Variants in SH3KBP1 observed in about 807,000 individuals in gnomAD.
SH3KBP1 encodes the protein SH3 domain-containing kinase-binding protein 1.
Under a neutral mutation model 50.1 loss-of-function variants are expected in SH3KBP1, and 8 were observed. The observed-to-expected ratio is 0.16, with a 90% CI of 0.09 to 0.29. The LOEUF is 0.29. Among genes scored for constraint, SH3KBP1 ranks in the 10% least tolerant of loss-of-function variants. The probability of loss-of-function intolerance (pLI) is 1.00; values close to 1 mark genes in which losing one functional copy is unlikely to be tolerated. For missense variants in SH3KBP1, 377 were observed against 535.2 expected, an observed-to-expected ratio of 0.70 and a Z score of 2.92; for synonymous variants, 227 against 218.6, an observed-to-expected ratio of 1.04 and a Z score of -0.34.
chrX:19,729,068 G>A (rs2064303579), intron 3 of SH3KBP1, among the ~76,000 whole-genome samples: 1 of 112,499 alleles, frequency 8.9e-6, no homozygotes, highest in Admixed American at 9.4e-5. Flanking sequence ...TAAAGGCACA[G>A]AAATGCTTTT....
chrX:19,784,863 C>A (rs1039393661), intron 2 of SH3KBP1, among the ~76,000 whole-genome samples: 8 of 111,444 alleles, frequency 7.2e-5, no homozygotes, highest in African/African-American at 2.6e-4. Context: ...CTCACCTCGG[C>A]CTCCCAAAGT....
intron 3 of SH3KBP1, among the ~76,000 whole-genome samples, chrX:19,715,905 C>T (rs1441883201): frequency 9.0e-6 from 1 of 110,833 alleles, no homozygotes; most frequent in Non-Finnish European, 1.9e-5. Flanking sequence ...CATTAACAAA[C>T]ACTGCTAGGT....
At position 19,638,534 on chromosome X, in the gene SH3KBP1, C is replaced by G. The variant is rs1463237297; in HGVS notation, c.803-6576G>C. On this transcript the variant is annotated intron_variant, in intron 7 of 17. Transcript: ENST00000397821. ...GGCCCCACCCCCAGGGGTTCTGATT[C>G]TGTAGGGCTGGTATTTGCATTTCTA... is the stretch of plus-strand genomic sequence containing the variant. Among the ~76,000 whole-genome samples the G allele has an allele frequency of 6.3e-5, 7 of 111,048 alleles. No homozygotes were observed. In the East Asian group the frequency reaches 2.0e-3, roughly 31 times the overall value.
At chrX:19,788,269 C>CAAAAAAAAAAAAAAA (rs1227301099) in intron 2 of SH3KBP1, among the ~76,000 whole-genome samples, 10 of 25,500 alleles carry the variant, frequency 3.9e-4, no homozygotes, top group Non-Finnish European at 6.5e-4. Context: ...ATTCTATCTC[C>CAAAAAAAAAAAAAAA]AAAAAAAAAA....
chrX:19,861,879 C>T (rs780279637), intron 1 of SH3KBP1, among the ~76,000 whole-genome samples: 18 of 112,219 alleles, frequency 1.6e-4, no homozygotes, highest in Admixed American at 4.7e-4. Context: ...TTTCTCAAAA[C>T]ACTGTCATAA....
intron 4 of SH3KBP1, among the ~76,000 whole-genome samples, chrX:19,705,668 C>T (rs1056437331): frequency 9.0e-6 from 1 of 111,547 alleles, no homozygotes; most frequent in Non-Finnish European, 1.9e-5. Context: ...TGTATCTCTG[C>T]TTGGCACACT....
intron 2 of SH3KBP1, among the ~76,000 whole-genome samples, chrX:19,758,002 A>C (rs191137989): frequency 9.0e-6 from 1 of 110,635 alleles, no homozygotes; most frequent in African/African-American, 3.3e-5. Context: ...CCAATAATCA[A>C]TGTTTTTTTT....
At chrX:19,802,781 C>T (rs1309686041) in intron 2 of SH3KBP1, among the ~76,000 whole-genome samples, 1 of 111,283 alleles carries the variant, frequency 9.0e-6, no homozygotes, top group East Asian at 2.8e-4. Flanking sequence ...CGCACCACAA[C>T]GGGTTGGAAA....
chrX:19,843,187 T>G (rs766664112), intron 1 of SH3KBP1, among the ~76,000 whole-genome samples: 7 of 107,430 alleles, frequency 6.5e-5, no homozygotes, highest in African/African-American at 2.0e-4. Context: ...CCCAGCTAAT[T>G]TTTGTATTTT....
At chrX:19,691,325 GCTCTCTCTCTCTCT>G (rs747033807) in intron 5 of SH3KBP1, among the ~76,000 whole-genome samples, 2 of 84,408 alleles carry the variant, frequency 2.4e-5, no homozygotes, top group African/African-American at 9.4e-5. Flanking sequence ...AATCTCTGTC[GCTCTCTCTCTCTCT>G]CTCTCTCTCT....
intron 1 of SH3KBP1, among the ~76,000 whole-genome samples, chrX:19,865,564 T>C (rs1273540557): frequency 1.8e-5 from 2 of 112,010 alleles, no homozygotes; most frequent in Non-Finnish European, 1.9e-5. Flanking sequence ...GTGATTCTTA[T>C]TGCCCAAGCT....
At chrX:19,560,745 G>C (rs953937242) in intron 13 of SH3KBP1, among the ~76,000 whole-genome samples, 1 of 110,640 alleles carries the variant, frequency 9.0e-6, no homozygotes, top group African/African-American at 3.3e-5. Context: ...AAGATGTATG[G>C]GTCATTTCAT....
chrX:19,750,275 G>T (rs1438140528), intron 2 of SH3KBP1, among the ~76,000 whole-genome samples: 1 of 111,713 alleles, frequency 9.0e-6, no homozygotes, highest in Non-Finnish European at 1.9e-5. Flanking sequence ...GGCCAGACTG[G>T]TCTCAAGCTC....
chrX:19,776,589 C>T (rs959873331), intron 2 of SH3KBP1, among the ~76,000 whole-genome samples: 8 of 79,870 alleles, frequency 1.0e-4, no homozygotes, highest in Admixed American at 3.4e-4. Context: ...ACTCTGTCAC[C>T]AAAGCTGGAA....
At chrX:19,786,009 C>A (rs1199460863) in intron 2 of SH3KBP1, among the ~76,000 whole-genome samples, 1 of 111,985 alleles carries the variant, frequency 8.9e-6, no homozygotes, top group Non-Finnish European at 1.9e-5. Flanking sequence ...AGTGGCACAA[C>A]AATGTGCATG....
At chrX:19,643,022 G>GT (rs752985863) in intron 7 of SH3KBP1, among the ~76,000 whole-genome samples, 42 of 111,214 alleles carry the variant, frequency 3.8e-4, no homozygotes, top group African/African-American at 1.3e-3. Flanking sequence ...TTTTGTTATA[G>GT]TTTGTCTTCT....
At chrX:19,766,400 T>C (rs1245167002) in intron 2 of SH3KBP1, among the ~76,000 whole-genome samples, 1 of 109,296 alleles carries the variant, frequency 9.1e-6, no homozygotes, top group Non-Finnish European at 1.9e-5. Context: ...TTATAGATTC[T>C]GGATATTAAC....
intron 3 of SH3KBP1, among the ~76,000 whole-genome samples, chrX:19,720,290 C>T (rs1043377200): frequency 9.0e-6 from 1 of 110,829 alleles, no homozygotes; most frequent in African/African-American, 3.3e-5. Context: ...CCTCAGCAGG[C>T]CATACCAGGG....
In SH3KBP1 at chrX:19,581,308, T is replaced by C. The variant is rs1355534241; in HGVS notation, c.1298+7335A>G. Reference sequence around the variant, plus strand: ...TCCAAAGATAAGTCTTCATCCTGATTTGTATTAAAGGAGGGAAACACACAA... The same window carrying C: ...TCCAAAGATAAGTCTTCATCCTGATCTGTATTAAAGGAGGGAAACACACAA... On this transcript the variant is annotated intron_variant, in intron 12 of 17. Transcript: ENST00000397821. Among the ~76,000 whole-genome samples the C allele has an allele frequency of 5.4e-5, 6 of 111,918 alleles. No individual in the cohort carries two copies. The East Asian group carries it at 1.7e-3, about 31-fold the overall frequency.
Sources: allele counts gnomAD v4.1 joint callset (sites outside exome capture counted in the v4.1 genomes callset), GRCh38; gene constraint gnomAD v4.1.1; transcripts MANE v1.5; gene names NCBI Gene and HGNC (gene_info 2026-07-23, HGNC 2026-07-21).